CFAP92: variants seen among roughly 807,000 people sequenced by gnomAD.
The protein encoded by CFAP92 is uncharacterized protein CFAP92.
CFAP92 carries 86 observed loss-of-function variants against 106.3 expected under a neutral mutation model. The ratio of observed to expected loss-of-function variants is 0.81; its 90% confidence interval spans 0.68 to 0.97. The LOEUF (loss-of-function observed/expected upper bound fraction) is 0.97, where lower values mean the gene tolerates loss of function less well. Among genes scored for constraint, CFAP92 ranks in the 50% least tolerant of loss-of-function variants. CFAP92 has a pLI of 0.00. For synonymous variants in CFAP92, 477 were observed against 506.4 expected (o/e 0.94, Z 0.78); for missense variants, 1,204 against 1,283.8 (o/e 0.94, Z 0.95).
At chr3:129,022,935 A>G in the CFAP92 span, among the ~76,000 whole-genome samples, 6 of 152,286 alleles carry the variant, frequency 3.9e-5, no homozygotes, top group South Asian at 2.1e-4. Context: ...TGTGGTTTGG[A>G]GCTGAGAAGT....
chr3:128,987,851 G>T (rs1364739320), intron 3 of CFAP92, 22 bp from the exon 4 acceptor site: 2 of 1,571,366 alleles, frequency 1.3e-6, no homozygotes, highest in African/African-American at 2.7e-5. Flanking sequence ...AACATTCAGA[G>T]ATGTCAACTG....
At chr3:128,976,925 G>A in intron 6 of CFAP92, 54 bp downstream of exon 6, 1 of 1,348,432 alleles carries the variant, frequency 7.4e-7, no homozygotes, top group Middle Eastern at 1.8e-4. Context: ...TCATAGTAGG[G>A]CTAGTACAAG....
At chr3:128,953,019 T>C (rs1940962307) in intron 9 of CFAP92, among the ~76,000 whole-genome samples, 1 of 151,970 alleles carries the variant, frequency 6.6e-6, no homozygotes, top group Admixed American at 6.6e-5. Flanking sequence ...GATGCGGAGG[T>C]TGCAGTGGGC....
At chr3:129,021,099 AGG>A in the CFAP92 span, among the ~76,000 whole-genome samples, 1 of 152,196 alleles carries the variant, frequency 6.6e-6, no homozygotes, top group South Asian at 2.1e-4. Context: ...CTGACACATG[AGG>A]GGCCCTGCCA....
Position 128,987,838 on chromosome 3 carries a change from A to G in CFAP92, c.454-9T>C. On this transcript the variant is annotated splice_polypyrimidine_tract_variant and intron_variant, in intron 3 of 15. Coordinates refer to ENST00000645291, the MANE Select transcript of CFAP92 (RefSeq NM_001394090.1). The stretch of plus-strand genomic sequence containing the variant: ...TGCCACGGCTTCACAGTCTGTGTAA[A>G]ACAACATTCAGAGATGTCAACTGGG... 1.3e-6 allele frequency: 2 copies of G among 1,591,928 alleles called. No individual in the cohort carries two copies. Among genetic ancestry groups the G allele is most frequent in the Non-Finnish European group, 1.7e-6 (2 of 1,168,944 alleles).
intron 10 of CFAP92, among the ~76,000 whole-genome samples, chr3:128,935,801 AGAGT>A (rs2107711591): frequency 6.6e-6 from 1 of 152,376 alleles, no homozygotes; most frequent in South Asian, 2.1e-4. Context: ...CCCGGACAAC[AGAGT>A]GAGACCCTGT....
chr3:128,937,264 G>T (rs1451242091), intron 10 of CFAP92, among the ~76,000 whole-genome samples: 3 of 147,906 alleles, frequency 2.0e-5, no homozygotes, highest in Non-Finnish European at 4.4e-5. Context: ...TACCGCTGCA[G>T]TGAGCCTTTG....
chr3:128,950,093 G>A (rs1467569229), intron 9 of CFAP92, among the ~76,000 whole-genome samples: 5 of 152,214 alleles, frequency 3.3e-5, no homozygotes, highest in African/African-American at 1.2e-4. Flanking sequence ...AGGGTCTCTG[G>A]AATAGGGGAT....
In CFAP92 at chr3:128,988,911, C is replaced by T. The variant is rs1944033389; in HGVS notation, c.270G>A (p.Lys90=). The change falls in exon 3 of 16, where the codon AAG becomes AAA. Residue 90 remains lysine, a synonymous_variant. Transcript: ENST00000645291. ...SLAFPVNMGQ[K]GKYASLIEKY... is the part of the protein sequence containing the mutation. ...TTTCAATCAAACTTGCATATTTTCC[C>T]TTCTGACCTTGAAGATACAGATTGA... The T allele has an allele frequency of 5.0e-6, 8 of 1,611,480 alleles. No homozygotes were observed. The highest frequency in any genetic ancestry group is 6.8e-6 in the Non-Finnish European group (8 of 1,178,328).
At chr3:128,958,222 C>T (rs1941597422) in intron 9 of CFAP92, among the ~76,000 whole-genome samples, 1 of 152,134 alleles carries the variant, frequency 6.6e-6, no homozygotes, top group South Asian at 2.1e-4. Context: ...ACAATTCAAT[C>T]CTTAACAATA....
intron 8 of CFAP92, chr3:128,970,137 C>G (rs915132088): frequency 3.9e-5 from 6 of 152,056 alleles, no homozygotes; most frequent in African/African-American, 1.5e-4. Flanking sequence ...CACCTGTAGT[C>G]TTAGCTATGC....
At chr3:129,017,094 T>G in the CFAP92 span, among the ~76,000 whole-genome samples, 1 of 152,226 alleles carries the variant, frequency 6.6e-6, no homozygotes, top group Non-Finnish European at 1.5e-5. Flanking sequence ...GCCTCAGGCA[T>G]CACTGCCATA....
rs1482928682 is a variant in CFAP92 at position 128,944,037 on chromosome 3, C to G, written c.2258+1034G>C. On this transcript the variant is annotated intron_variant, in intron 10 of 15. Coordinates refer to ENST00000645291, the MANE Select transcript of CFAP92 (RefSeq NM_001394090.1). ...CTCCGCCTCCTGGGCTCAAGTGATT[C>G]TCCCACCTTGGCCACCCAAGTAGCT... Among the ~76,000 whole-genome samples, 4 of 148,628 alleles carry G rather than the reference C, an allele frequency of 2.7e-5. No homozygotes were observed. The Admixed American group carries it at 2.7e-4, about 10-fold the overall frequency.
intron 12 of CFAP92, among the ~76,000 whole-genome samples, chr3:128,929,190 T>C (rs1938052181): frequency 6.6e-6 from 1 of 152,168 alleles, no homozygotes; most frequent in Non-Finnish European, 1.5e-5. Flanking sequence ...ATATCTAGCA[T>C]CGTCAGTCAT....
intron 15 of CFAP92, among the ~76,000 whole-genome samples, chr3:128,911,232 ATT>A (rs1057093457): frequency 4.6e-5 from 7 of 151,624 alleles, no homozygotes; most frequent in African/African-American, 1.5e-4. Flanking sequence ...AATTTTTTGT[ATT>A]TTTAGTAGAA....
upstream of CFAP92, among the ~76,000 whole-genome samples, chr3:128,996,023 T>A (rs1944467368): frequency 1.3e-5 from 2 of 152,232 alleles, no homozygotes; most frequent in African/African-American, 4.8e-5. Flanking sequence ...ACTATGTGAT[T>A]TCTGAGGCCA....
In CFAP92 at chr3:128,939,673, G is replaced by A. The variant is rs532303728; in HGVS notation, c.2259-4354C>T. On this transcript the variant is annotated intron_variant, in intron 10 of 15. Transcript: ENST00000645291. ...CGCCCTAAGTATCTACCAATCCAGC[G>A]GTCCCCAACCTATTTGGTACCACGG... Among the ~76,000 whole-genome samples the A allele has an allele frequency of 1.6e-4, 25 of 151,948 alleles. No individual in the cohort carries two copies. The South Asian group carries it at 3.5e-3, about 21-fold the overall frequency.
intron 9 of CFAP92, among the ~76,000 whole-genome samples, chr3:128,948,812 G>A (rs1940516514): frequency 6.6e-6 from 1 of 152,158 alleles, no homozygotes; most frequent in African/African-American, 2.4e-5. Flanking sequence ...TTACAGGCGT[G>A]AGCCACCGTG....
chr3:129,023,027 A>G, the CFAP92 span, among the ~76,000 whole-genome samples: 3 of 152,172 alleles, frequency 2.0e-5, no homozygotes, highest in Non-Finnish European at 2.9e-5. Flanking sequence ...AGAAAATAAG[A>G]TCTAGCTAGA....
Sources: allele counts gnomAD v4.1 joint callset (sites outside exome capture counted in the v4.1 genomes callset), GRCh38; gene constraint gnomAD v4.1.1; transcripts MANE v1.5; gene names NCBI Gene and HGNC (gene_info 2026-07-23, HGNC 2026-07-21).